IL7R: variants seen among roughly 807,000 people sequenced by gnomAD.
IL7R encodes interleukin 7 receptor, also known as interleukin-7 receptor subunit alpha.
A neutral mutation model predicts 47.0 loss-of-function variants in IL7R; 38 were observed. The observed-to-expected ratio is 0.81, with a 90% CI of 0.62 to 1.06. The LOEUF is 1.06. Ranked by LOEUF, IL7R falls within the 50% of genes least tolerant of loss-of-function variation. The pLI is 0.00. For synonymous variants in IL7R, 221 were observed against 199.8 expected, an observed-to-expected ratio of 1.11 and a Z score of -0.89; for missense variants, 633 against 534.8, an observed-to-expected ratio of 1.18 and a Z score of -1.81.
intron 1 of IL7R, among the ~76,000 whole-genome samples, chr5:35,859,257 G>A (rs988853193): frequency 2.6e-5 from 4 of 152,144 alleles, no homozygotes. Flanking sequence ...GAAGAATCGT[G>A]AAGACAAAGC....
chr5:35,873,404 C>A, intron 4 of IL7R, 76 bp from the exon 5 acceptor site: 4 of 1,221,624 alleles, frequency 3.3e-6, no homozygotes, highest in Non-Finnish European at 4.8e-6. Flanking sequence ...AAAGGAATCC[C>A]AATTGAAATG....
chr5:35,866,329 T>C (rs558924661), intron 2 of IL7R, among the ~76,000 whole-genome samples: 15 of 152,278 alleles, frequency 9.9e-5, no homozygotes, highest in African/African-American at 2.4e-4. Context: ...AGTTTGCTTA[T>C]ACATTTTTGA....
Position 35,877,446 on chromosome 5 carries a change from A to G in IL7R, c.*960A>G, listed in dbSNP as rs1760246078. ...TAGGCTCAAGAGGGAATAAATTAGA[A>G]ACTCACAATTTCTCTTGTTTGTTAC... is the stretch of plus-strand genomic sequence containing the variant. On this transcript the variant is annotated 3_prime_UTR_variant, in exon 8 of 8. Transcript: ENST00000303115. 1 of 233,108 alleles carries G rather than the reference A, an allele frequency of 4.3e-6. No homozygotes were observed. The highest frequency in any genetic ancestry group is 8.5e-6 in the Non-Finnish European group (1 of 118,020). 14.4% of individuals were successfully genotyped at this position (233,108 alleles called of 1,614,324 possible).
chr5:35,876,865 T>C lies in IL7R; in HGVS notation c.*379T>C. 2.8e-6 allele frequency: 1 copy of C among 355,452 alleles called. No homozygotes were observed. Among genetic ancestry groups the C allele is most frequent in the Non-Finnish European group, 5.2e-6 (1 of 192,042 alleles). 22.0% of individuals were successfully genotyped at this position (355,452 alleles called of 1,614,324 possible). On this transcript the variant is annotated 3_prime_UTR_variant, in exon 8 of 8. Coordinates refer to ENST00000303115, the MANE Select transcript of IL7R (RefSeq NM_002185.5). The stretch of plus-strand genomic sequence containing the variant: ...AAAATGATAGTTGCCATTATTAGGA[T>C]TTAATATATATCCAGTGCTTTGCAA...
chr5:35,871,984 T>G (rs570098828), intron 4 of IL7R, among the ~76,000 whole-genome samples: 1 of 152,250 alleles, frequency 6.6e-6, no homozygotes, highest in South Asian at 2.1e-4. Flanking sequence ...TTGTTTGCAG[T>G]GTGATGCAAG....
At chr5:35,875,790 G>A (rs1760190922) in intron 7 of IL7R, 193 bp from the exon 8 acceptor site, 3 of 766,918 alleles carry the variant, frequency 3.9e-6, no homozygotes, top group Non-Finnish European at 6.6e-6. Context: ...TGGGGCTGGA[G>A]GGCACAGCCA....
intron 4 of IL7R, 185 bp from the exon 5 acceptor site, chr5:35,873,295 G>A: frequency 1.5e-6 from 1 of 645,698 alleles, no homozygotes; most frequent in Non-Finnish European, 2.8e-6. Flanking sequence ...TCCTTTATAA[G>A]CTCAGATTCT....
chr5:35,866,932 C>G (rs193042243), intron 2 of IL7R, among the ~76,000 whole-genome samples: 24 of 152,032 alleles, frequency 1.6e-4, no homozygotes, highest in Admixed American at 9.2e-4. Context: ...ATATTTTTTA[C>G]AGCTCTTATT....
Position 35,857,015 on chromosome 5 carries a change from C to G in IL7R, c.38C>G (p.Ser13Cys). Residue 13 changes from serine (S) to cysteine (C), a missense_variant, in exon 1 of 8, where the codon TCT becomes TGT. Coordinates refer to ENST00000303115, the MANE Select transcript of IL7R (RefSeq NM_002185.5). ...ILGTTFGMVF[S>C]LLQVVSGESG... ...GGTACAACTTTTGGCATGGTTTTTT[C>G]TTTACTTCAAGTCGTTTCTGGAGAA... 6 of 1,610,176 alleles carry G rather than the reference C, an allele frequency of 3.7e-6. No individual in the cohort carries two copies. Among genetic ancestry groups the G allele is most frequent in the Non-Finnish European group, 5.1e-6 (6 of 1,177,226 alleles).
At chr5:35,857,375 G>A (rs1580848631) in intron 1 of IL7R, among the ~76,000 whole-genome samples, 1 of 152,100 alleles carries the variant, frequency 6.6e-6, no homozygotes, top group Non-Finnish European at 1.5e-5. Flanking sequence ...GTACTTGTAG[G>A]AAAATGTCCA....
At chr5:35,860,514 A>G (rs1175190306) in intron 1 of IL7R, among the ~76,000 whole-genome samples, 2 of 152,202 alleles carry the variant, frequency 1.3e-5, no homozygotes, top group African/African-American at 2.4e-5. Flanking sequence ...AATGTAGCAG[A>G]AAAAACTCCA....
rs1760234968 is a variant in IL7R, at chr5:35,876,975, G to T, written c.*489G>T. On this transcript the variant is annotated 3_prime_UTR_variant, in exon 8 of 8. Coordinates refer to ENST00000303115, the MANE Select transcript of IL7R (RefSeq NM_002185.5). Reference sequence around the variant, plus strand: ...TACTACGACTACTCTCTTTTTTATAGATCATTAAATTCAGAACTAAGGAGT... The same window carrying T: ...TACTACGACTACTCTCTTTTTTATATATCATTAAATTCAGAACTAAGGAGT... 4.1e-6 allele frequency: 1 copy of T among 246,152 alleles called. No homozygotes were observed. The highest frequency in any genetic ancestry group is 8.0e-6 in the Non-Finnish European group (1 of 125,468). 15.2% of individuals were successfully genotyped at this position (246,152 alleles called of 1,614,324 possible). A position where few individuals can be genotyped will look rare whatever the true frequency, so the allele number is the denominator to read the frequency against.
intron 4 of IL7R, 98 bp from the exon 5 acceptor site, chr5:35,873,382 G>A (rs1314806067): frequency 2.0e-6 from 2 of 1,018,518 alleles, no homozygotes; most frequent in Non-Finnish European, 3.1e-6. Context: ...TTCAGAGAAT[G>A]CTTATGGGAC....
intron 2 of IL7R, among the ~76,000 whole-genome samples, chr5:35,865,498 T>C (rs1453281612): frequency 6.6e-6 from 1 of 152,160 alleles, no homozygotes; most frequent in African/African-American, 2.4e-5. Context: ...CTGGGTCAAA[T>C]AGTATTTCTA....
rs1223538431 is a variant in IL7R, at chr5:35,876,226, G to A, written c.1120G>A (p.Val374Ile). The A allele has an allele frequency of 6.2e-7, 1 of 1,614,176 alleles. No individual in the cohort carries two copies. The highest frequency in any genetic ancestry group is 1.1e-5 in the South Asian group (1 of 91,078). The change falls in exon 8 of 8, where the codon GTC (valine) becomes ATC (isoleucine). Residue 374 changes from valine (V) to isoleucine (I), a missense_variant. Physicochemically the swap from Val to Ile is conservative, Grantham distance 29. Transcript: ENST00000303115. ...ATCCCTCACATGCCTGGCTGGGAAT[G>A]TCAGTGCATGTGACGCCCCTATTCT... Reference protein sequence around the residue: ...DSSLTCLAGNVSACDAPILSS... With the variant: ...DSSLTCLAGNISACDAPILSS...
chr5:35,876,086 C>G lies in IL7R; in HGVS notation c.980C>G (p.Thr327Arg), dbSNP rs536561203. 2.5e-6 allele frequency: 4 copies of G among 1,614,188 alleles called. No individual in the cohort carries two copies. The South Asian group carries it at 4.4e-5, about 18-fold the overall frequency. ...RDEVEGFLQD[T>R]FPQQLEESEK... The stretch of plus-strand genomic sequence containing the variant: ...GAAGTGGAAGGTTTTCTGCAAGATA[C>G]GTTTCCTCAGCAACTAGAAGAATCT... The change falls in exon 8 of 8, where the codon ACG becomes AGG. Residue 327 changes from threonine to arginine, a missense_variant. Thr to Arg is a moderately conservative substitution (Grantham distance 71, BLOSUM62 -1). Transcript: ENST00000303115.
intron 3 of IL7R, 40 bp downstream of exon 3, chr5:35,867,503 G>A (rs1168312015): frequency 1.3e-6 from 2 of 1,552,262 alleles, no homozygotes; most frequent in African/African-American, 1.4e-5. Flanking sequence ...TCACTTTTGG[G>A]CTACCTGAAA....
At chr5:35,859,508 C>T (rs570808020) in intron 1 of IL7R, among the ~76,000 whole-genome samples, 2 of 152,112 alleles carry the variant, frequency 1.3e-5, no homozygotes, top group African/African-American at 2.4e-5. Flanking sequence ...AGAGCTTTTG[C>T]TGGTGGCAGA....
Position 35,871,133 on chromosome 5 carries a change from TC to T in IL7R, c.458del (p.Ser153TyrfsTer8). The part of the protein sequence containing the change: ...ANDFVVTFNT[S>X]HLQKKYVKVL... ...TGACTTTGTGGTGACATTTAATACATCACACTTGCAAAAGAAGTATGTAAAA... is the reference window on the plus strand; with the variant it reads ...TGACTTTGTGGTGACATTTAATACATACACTTGCAAAAGAAGTATGTAAAA... On this transcript the variant is annotated frameshift_variant, in exon 4 of 8. Transcript: ENST00000303115. LOFTEE classifies it high-confidence loss of function. The T allele has an allele frequency of 6.2e-7, 1 of 1,611,438 alleles. No homozygotes were observed. Among genetic ancestry groups the T allele is most frequent in the South Asian group, 1.1e-5 (1 of 91,036 alleles).
Sources: allele counts gnomAD v4.1 joint callset (sites outside exome capture counted in the v4.1 genomes callset), GRCh38; gene constraint gnomAD v4.1.1; transcripts MANE v1.5; gene names NCBI Gene and HGNC (gene_info 2026-07-23, HGNC 2026-07-21).